Variants in BRCA1 observed in about 807,000 individuals in gnomAD.
The protein encoded by BRCA1 is BRCA1 DNA repair associated, also known as breast cancer type 1 susceptibility protein.
BRCA1 carries 140 observed loss-of-function variants against 173.7 expected under a neutral mutation model. The ratio of observed to expected loss-of-function variants is 0.81; its 90% CI spans 0.70 to 0.93. The LOEUF is 0.93. BRCA1 is among the 40% of genes least tolerant of loss of function. The pLI is 0.00. For missense variants in BRCA1, 1,983 were observed against 2,172.5 expected (o/e 0.91, Z 1.73); for synonymous variants, 662 against 756.0 (o/e 0.88, Z 2.04).
intron 12 of BRCA1, among the ~76,000 whole-genome samples, chr17:43,077,915 A>C (rs2052815494): frequency 6.6e-6 from 1 of 150,820 alleles, no homozygotes; most frequent in South Asian, 2.1e-4. Context: ...TTGTATTTTT[A>C]GTAGAGATGG....
upstream of BRCA1, chr17:43,125,399 C>T: frequency 2.5e-6 from 1 of 394,540 alleles, no homozygotes. Flanking sequence ...TTTAATTTAT[C>T]TGTAATTCCC....
intron 1 of BRCA1, among the ~76,000 whole-genome samples, chr17:43,150,528 C>T (rs1359750424): frequency 6.6e-6 from 1 of 152,184 alleles, no homozygotes; most frequent in Non-Finnish European, 1.5e-5. Flanking sequence ...ACCCAATGTG[C>T]TCATGTTTCC....
At chr17:43,126,876 G>A (rs2055892974), upstream of BRCA1, among the ~76,000 whole-genome samples, 1 of 152,092 alleles carries the variant, frequency 6.6e-6, no homozygotes, top group Admixed American at 6.5e-5. Flanking sequence ...TGCGCGCAGC[G>A]CTCGCCAGCC....
At chr17:43,106,562 T>A in intron 3 of BRCA1, 29 bp from the exon 4 acceptor site, 1 of 1,458,942 alleles carries the variant, frequency 6.9e-7, no homozygotes, top group Non-Finnish European at 9.6e-7. Context: ...GAAAGAACAA[T>A]TTAATTTACT....
chr17:43,125,113 C>CCCCCCCCCCCCCGGGTCCCAA, intron 1 of BRCA1, 158 bp downstream of exon 1: 1 of 440,542 alleles, frequency 2.3e-6, no homozygotes, highest in Non-Finnish European at 4.6e-6. Context: ...CTACAAACTG[C>CCCCCCCCCCCCCGGGTCCCAA]CCCCCTCCCC....
At chr17:43,052,878 G>GT (rs1202201268) in intron 19 of BRCA1, among the ~76,000 whole-genome samples, 12,598 of 130,348 alleles carry the variant, frequency 0.097, 2,200 homozygotes, top group African/African-American at 0.34. Context: ...AAGTCTGTGT[G>GT]TTTTTTTTTT....
chr17:43,147,130 T>C (rs2056127777), intron 1 of BRCA1, among the ~76,000 whole-genome samples: 1 of 152,144 alleles, frequency 6.6e-6, no homozygotes. Context: ...GCCTCCCAAG[T>C]AGCTGAGATT....
chr17:43,064,421 G>A (rs1308976963), intron 16 of BRCA1, among the ~76,000 whole-genome samples: 1 of 152,100 alleles, frequency 6.6e-6, no homozygotes, highest in Non-Finnish European at 1.5e-5. Context: ...GTCTACCTGG[G>A]GAGTCCTAAC....
Position 43,104,213 on chromosome 17 carries a change from T to A in BRCA1, c.350A>T (p.His117Leu), listed in dbSNP as rs2054632888. ...GATGATAGAAACTTCATCTTTTAGA[T>A]GTTCAGGAGAGTTATTTTCCTTTTT... ...FAKKENNSPE[H>L]LKDEVSIIQS... is the part of the protein sequence containing the mutation. The change falls in exon 6 of 23, where the codon CAT (histidine) becomes CTT (leucine). Residue 117 changes from histidine to leucine, a missense_variant. Coordinates refer to ENST00000357654, the MANE Select transcript of BRCA1 (RefSeq NM_007294.4). 1.9e-6 allele frequency: 3 copies of A among 1,613,278 alleles called. No homozygotes were observed. The highest frequency in any genetic ancestry group is 2.2e-5 in the South Asian group (2 of 91,034).
At chr17:43,155,445 G>C (rs1342701006) in intron 1 of BRCA1, among the ~76,000 whole-genome samples, 1 of 152,114 alleles carries the variant, frequency 6.6e-6, no homozygotes, top group Non-Finnish European at 1.5e-5. Context: ...TGCCCATGCT[G>C]GTCTTGAATG....
rs577502686 is a variant in BRCA1, at chr17:43,078,436, T to C, written c.4358-1822A>G. 1.6e-3 allele frequency among the ~76,000 whole-genome samples: 249 copies of C among 152,306 alleles called. 2 individuals carry two copies. The highest frequency in any genetic ancestry group is 2.6e-3 in the Non-Finnish European group (177 of 68,024). On this transcript the variant is annotated intron_variant, in intron 12 of 22. Transcript: ENST00000357654. ...ATCCTCCTGCCTTGGCATCTCACAG[T>C]GCTGGGATTATAGGCGTGAGCCACC...
chr17:43,063,486 G>A, intron 17 of BRCA1, 113 bp from the exon 18 acceptor site: 3 of 878,226 alleles, frequency 3.4e-6, no homozygotes, highest in Non-Finnish European at 5.6e-6. Context: ...ACAGAGGAGA[G>A]GTCCTTCCCT....
Position 43,092,624 on chromosome 17 carries a change from A to T in BRCA1, c.2907T>A (p.Asn969Lys), listed in dbSNP as rs2053674031. Residue 969 changes from asparagine to lysine, a missense_variant, in exon 10 of 23, where the codon AAT becomes AAA. By Grantham distance (94) the Asn-to-Lys change is moderately conservative (BLOSUM62 0). Transcript: ENST00000357654. ...ATGGGTTTTGTAAAAGTCCATGTTT[A>T]TTTGGAGTAATGAGTCCAGTTTCGT... ...RGNETGLITP[N>K]KHGLLQNPYR... The T allele has an allele frequency of 6.2e-7, 1 of 1,614,028 alleles. No individual in the cohort carries two copies. The highest frequency in any genetic ancestry group is 8.5e-7 in the Non-Finnish European group (1 of 1,179,972).
At chr17:43,143,113 A>AT (rs1454388199) in intron 1 of BRCA1, among the ~76,000 whole-genome samples, 6 of 148,600 alleles carry the variant, frequency 4.0e-5, no homozygotes, top group East Asian at 2.0e-4. Flanking sequence ...TATTTATTTT[A>AT]TTTTTTTTGG....
chr17:43,095,965 A>C, intron 8 of BRCA1, 43 bp from the exon 9 acceptor site: 3 of 1,475,602 alleles, frequency 2.0e-6, no homozygotes, highest in Non-Finnish European at 1.9e-6. Flanking sequence ...CACTAGTTAC[A>C]TGTATGCAGA....
At chr17:43,053,863 G>A (rs540585820) in intron 19 of BRCA1, among the ~76,000 whole-genome samples, 1 of 151,966 alleles carries the variant, frequency 6.6e-6, no homozygotes, top group Non-Finnish European at 1.5e-5. Flanking sequence ...TAGCTACTTA[G>A]GAGGCTGAGG....
At chr17:43,157,130 G>A (rs1432808334) in intron 1 of BRCA1, among the ~76,000 whole-genome samples, 11 of 152,158 alleles carry the variant, frequency 7.2e-5, no homozygotes, top group Non-Finnish European at 1.3e-4. Context: ...ACAGTCATAG[G>A]TAAAAAGTTA....
intron 2 of BRCA1, among the ~76,000 whole-genome samples, chr17:43,118,383 C>CTT (rs1340979497): frequency 1.4e-5 from 2 of 146,362 alleles, no homozygotes; most frequent in Non-Finnish European, 3.0e-5. Context: ...TTTTAATTTT[C>CTT]TTTTTTTTTT....
At chr17:43,131,239 A>G in intron 1 of BRCA1, 1 of 363,778 alleles carries the variant, frequency 2.7e-6, no homozygotes, top group South Asian at 2.2e-5. Flanking sequence ...AATAGTATTA[A>G]AATAAAATAC....
Sources: gnomAD v4.1 joint callset for allele counts (sites outside exome capture counted in the v4.1 genomes callset) on GRCh38, gnomAD v4.1.1 for gene constraint, MANE v1.5 for transcripts, NCBI Gene and HGNC (gene_info 2026-07-23, HGNC 2026-07-21) for gene names.